Variants in GSE1 observed in about 807,000 individuals in gnomAD.
GSE1 encodes Gse1 coiled-coil protein.
GSE1 carries 32 observed loss-of-function variants against 112.6 expected under a neutral mutation model. The observed-to-expected ratio is 0.28, with a 90% CI of 0.21 to 0.38. The LOEUF is 0.38. Ranked by LOEUF, GSE1 falls within the 10% of genes least tolerant of loss-of-function variation. The pLI is 1.00. For synonymous variants in GSE1, 1,115 were observed against 735.6 expected (o/e 1.52, Z -8.35); for missense variants, 2,348 against 1,699.2 (o/e 1.38, Z -6.71).
At chr16:85,295,144 C>G (rs1467974178) in intron 1 of GSE1, among the ~76,000 whole-genome samples, 3 of 152,158 alleles carry the variant, frequency 2.0e-5, no homozygotes, top group Non-Finnish European at 4.4e-5. Context: ...TGCATAGCAT[C>G]ACCCCAAAAG....
chr16:85,293,278 G>A (rs957892683), intron 1 of GSE1, among the ~76,000 whole-genome samples: 2 of 152,190 alleles, frequency 1.3e-5, no homozygotes, highest in Non-Finnish European at 2.9e-5. Flanking sequence ...TGGCACGGTG[G>A]CTCACACCTA....
intron 2 of GSE1, among the ~76,000 whole-genome samples, chr16:85,408,737 T>TTA: frequency 1.6e-5 from 1 of 61,782 alleles, no homozygotes; most frequent in African/African-American, 8.2e-5. Flanking sequence ...ATCCTCACTG[T>TTA]CACTCTCAGG....
At chr16:85,346,561 A>C (rs1481487450) in intron 1 of GSE1, among the ~76,000 whole-genome samples, 1 of 144,346 alleles carries the variant, frequency 6.9e-6, no homozygotes, top group Non-Finnish European at 1.5e-5. Flanking sequence ...GGTGATGGAC[A>C]GGCGGATGGT....
In GSE1 at chr16:85,661,035, C is replaced by T. The variant is rs974046576; in HGVS notation, c.1641-111C>T. 8 of 1,025,060 alleles carry T rather than the reference C, an allele frequency of 7.8e-6. No individual in the cohort carries two copies. The African/African-American group carries it at 8.0e-5, about 10-fold the overall frequency. The allele number at this position is 1,025,060 out of a possible 1,614,324, so 63.5% of individuals were successfully genotyped here. ...CTGCAGCCCTGTTGGCACTGGCTCT[C>T]TAAGGGGCTGCGCCATCTGTGTCAT... On this transcript the variant is annotated intron_variant, in intron 8 of 15. Transcript: ENST00000253458.
intron 2 of GSE1, among the ~76,000 whole-genome samples, chr16:85,415,509 C>A (rs2048683638): frequency 1.3e-5 from 2 of 152,206 alleles, no homozygotes; most frequent in Non-Finnish European, 2.9e-5. Context: ...CCCTGAGATC[C>A]CTGGCTCTGC....
chr16:85,501,075 A>ACTG (rs2051350606), intron 2 of GSE1, among the ~76,000 whole-genome samples: 1 of 126,302 alleles, frequency 7.9e-6, no homozygotes, highest in Non-Finnish European at 1.5e-5. Context: ...ATCTCGGCTC[A>ACTG]CTGCAAGCTC....
intron 2 of GSE1, among the ~76,000 whole-genome samples, chr16:85,541,803 TC>T (rs1352804592): frequency 8.5e-5 from 13 of 152,190 alleles, no homozygotes; most frequent in Non-Finnish European, 1.5e-4. Context: ...AGGGGCCACG[TC>T]CCTGCCTCGC....
In GSE1 at chr16:85,430,702, G is replaced by A. The variant is rs914939141; in HGVS notation, c.2464+73059G>A. Among the ~76,000 whole-genome samples, 3 of 152,212 alleles carry A rather than the reference G, an allele frequency of 2.0e-5. 1 individual carries two copies. The highest frequency in any genetic ancestry group is 6.3e-3 in the Middle Eastern group (2 of 316). On this transcript the variant is annotated intron_variant, in intron 2 of 2. Coordinates refer to the GSE1 transcript ENST00000637419. The stretch of plus-strand genomic sequence containing the variant: ...AGGTACGGGCTGGGCACAGGGCGGC[G>A]GCAGTCTAGGGCATTCGTCTGAAGG...
chr16:85,486,354 C>T (rs897795437), intron 2 of GSE1, among the ~76,000 whole-genome samples: 2 of 152,188 alleles, frequency 1.3e-5, no homozygotes, highest in South Asian at 2.1e-4. Flanking sequence ...CACACGAGCC[C>T]GGGAAGCCTT....
intron 1 of GSE1, among the ~76,000 whole-genome samples, chr16:85,188,262 G>A (rs11639774): frequency 0.17 from 22,050 of 131,724 alleles, 1,789 homozygotes; most frequent in Middle Eastern, 0.31. Flanking sequence ...GGCACCTGCT[G>A]CCTGACCGTC....
intron 2 of GSE1, among the ~76,000 whole-genome samples, chr16:85,499,814 C>T (rs2051303248): frequency 6.6e-6 from 1 of 152,190 alleles, no homozygotes; most frequent in African/African-American, 2.4e-5. Context: ...AAAAAGATAA[C>T]ATATGTTGCT....
At chr16:85,567,102 TCA>T (rs1293254298) in intron 1 of GSE1, among the ~76,000 whole-genome samples, 1 of 135,704 alleles carries the variant, frequency 7.4e-6, no homozygotes, top group African/African-American at 2.7e-5. Context: ...AAAGTTTCAC[TCA>T]CAGGCGGATT....
At chr16:85,267,289 C>G (rs1036889860) in intron 1 of GSE1, among the ~76,000 whole-genome samples, 2 of 151,922 alleles carry the variant, frequency 1.3e-5, no homozygotes, top group African/African-American at 4.9e-5. Flanking sequence ...TCCCCTGCCC[C>G]TGGCATATTT....
intron 14 of GSE1, among the ~76,000 whole-genome samples, chr16:85,669,599 C>T (rs946469601): frequency 3.3e-5 from 5 of 152,180 alleles, no homozygotes; most frequent in South Asian, 2.1e-4. Context: ...AGAAGCAATA[C>T]ACAGTGATTT....
chr16:85,205,999 A>T (rs2075108268), intron 1 of GSE1, among the ~76,000 whole-genome samples: 1 of 152,196 alleles, frequency 6.6e-6, no homozygotes, highest in African/African-American at 2.4e-5. Context: ...TCGGTGGCCA[A>T]ATCACACAAA....
At chr16:85,211,901 CT>C (rs2075232566) in intron 1 of GSE1, among the ~76,000 whole-genome samples, 1 of 152,224 alleles carries the variant, frequency 6.6e-6, no homozygotes, top group Admixed American at 6.5e-5. Context: ...CTTTGAGCGC[CT>C]GGATTTCAAG....
intron 2 of GSE1, among the ~76,000 whole-genome samples, chr16:85,367,022 G>A (rs1290521861): frequency 6.6e-6 from 1 of 152,162 alleles, no homozygotes; most frequent in Non-Finnish European, 1.5e-5. Flanking sequence ...CGTCTCTGCA[G>A]GGGCCACTGT....
At chr16:85,306,578 C>T (rs921255570) in intron 1 of GSE1, among the ~76,000 whole-genome samples, 2 of 152,138 alleles carry the variant, frequency 1.3e-5, no homozygotes, top group Non-Finnish European at 2.9e-5. Flanking sequence ...GAGATGGGGT[C>T]TCCTCTGTCA....
At chr16:85,447,833 C>T (rs1400377632) in intron 2 of GSE1, among the ~76,000 whole-genome samples, 2 of 152,196 alleles carry the variant, frequency 1.3e-5, no homozygotes, top group African/African-American at 2.4e-5. Flanking sequence ...GCTCAGTGGC[C>T]ATCTGGTTCA....
Sources: allele counts gnomAD v4.1 joint callset (sites outside exome capture counted in the v4.1 genomes callset), GRCh38; gene constraint gnomAD v4.1.1; transcripts MANE v1.5; gene names NCBI Gene and HGNC (gene_info 2026-07-23, HGNC 2026-07-21).